NUCB2: variants seen among roughly 807,000 people sequenced by gnomAD.
The protein encoded by NUCB2 is nucleobindin 2, also known as nucleobindin-2.
A neutral mutation model predicts 57.9 loss-of-function variants in NUCB2; 48 were observed. That is an observed-to-expected ratio of 0.83 (90% confidence interval 0.66 to 1.05). The LOEUF (loss-of-function observed/expected upper bound fraction) is 1.05. NUCB2 is among the 50% of genes least tolerant of loss of function. The probability of loss-of-function intolerance (pLI) is 0.00; values close to 1 mark genes in which losing one functional copy is unlikely to be tolerated. For synonymous variants in NUCB2, 139 were observed against 152.1 expected (o/e 0.91, Z 0.64); for missense variants, 442 against 476.2 (o/e 0.93, Z 0.67).
At chr11:17,331,050 A>G in intron 13 of NUCB2, 67 bp downstream of exon 13, 1 of 998,366 alleles carries the variant, frequency 1.0e-6, no homozygotes, top group Non-Finnish European at 1.5e-6. Flanking sequence ...ATCCACATTT[A>G]TTACAAATAT....
intron 6 of NUCB2, among the ~76,000 whole-genome samples, chr11:17,310,410 G>T (rs975546510): frequency 6.6e-6 from 1 of 152,162 alleles, no homozygotes; most frequent in Non-Finnish European, 1.5e-5. Context: ...GCCAAGGAGG[G>T]TGGATCACCC....
In NUCB2 at chr11:17,279,217, C is replaced by T. The variant is rs559971659; in HGVS notation, c.-156+2389C>T. Among the ~76,000 whole-genome samples the T allele has an allele frequency of 1.7e-3, 259 of 152,188 alleles. 2 individuals carry two copies. The highest frequency in any genetic ancestry group is 5.6e-3 in the African/African-American group (232 of 41,542). On this transcript the variant is annotated intron_variant, in intron 1 of 13. Coordinates refer to ENST00000529010, the MANE Select transcript of NUCB2 (RefSeq NM_005013.4). ...CAAAAACAAAACAAAAAACAGGCTA[C>T]TAACAATTTCAAATAATTTATTCAA...
At chr11:17,287,542 G>A (rs967559607) in intron 2 of NUCB2, among the ~76,000 whole-genome samples, 3 of 151,632 alleles carry the variant, frequency 2.0e-5, no homozygotes, top group Admixed American at 1.3e-4. Flanking sequence ...GCATGGTGGC[G>A]CACACTTGTA....
chr11:17,331,118 C>A (rs748003345), intron 13 of NUCB2, 135 bp downstream of exon 13: 196 of 709,514 alleles, frequency 2.8e-4, no homozygotes, highest in Non-Finnish European at 4.2e-4. Flanking sequence ...GGTATTAGAG[C>A]AATTTAGATT....
At chr11:17,288,959 A>AT (rs532223454) in intron 2 of NUCB2, among the ~76,000 whole-genome samples, 3,322 of 66,854 alleles carry the variant, frequency 0.05, 765 homozygotes, top group East Asian at 0.31. Context: ...ACATATATAT[A>AT]TATATTTTTT....
intron 3 of NUCB2, 163 bp downstream of exon 3, chr11:17,295,630 G>T: frequency 1.6e-6 from 1 of 613,548 alleles, no homozygotes; most frequent in Non-Finnish European, 2.8e-6. Context: ...GTACACTTGG[G>T]AACTATTTCT....
intron 2 of NUCB2, among the ~76,000 whole-genome samples, chr11:17,293,743 A>G (rs539943789): frequency 6.6e-6 from 1 of 152,348 alleles, no homozygotes; most frequent in South Asian, 2.1e-4. Flanking sequence ...ACTTGTTACA[A>G]TGTTGTTGGA....
rs963918652 is a variant in NUCB2 at position 17,331,561 on chromosome 11, A to G, written c.*142A>G. 2.0e-6 allele frequency: 1 copy of G among 491,482 alleles called. No individual in the cohort carries two copies. The highest frequency in any genetic ancestry group is 3.4e-6 in the Non-Finnish European group (1 of 292,836). 30.4% of individuals were successfully genotyped at this position (491,482 alleles called of 1,614,324 possible). The stretch of plus-strand genomic sequence containing the variant: ...AGGGAGATACTTTTTAAATGAAAAC[A>G]CTTTTTTTGGGACACAGATATTAAA... On this transcript the variant is annotated 3_prime_UTR_variant, in exon 14 of 14. Coordinates refer to ENST00000529010, the MANE Select transcript of NUCB2 (RefSeq NM_005013.4).
intron 5 of NUCB2, among the ~76,000 whole-genome samples, chr11:17,309,179 G>T (rs1948119553): frequency 1.3e-5 from 2 of 151,972 alleles, no homozygotes; most frequent in African/African-American, 4.8e-5. Flanking sequence ...AAATTAGCCA[G>T]GCGTAGTGGT....
chr11:17,315,190 A>G (rs952609297), intron 10 of NUCB2, among the ~76,000 whole-genome samples, 196 bp from the exon 11 acceptor site: 1 of 152,192 alleles, frequency 6.6e-6, no homozygotes, highest in African/African-American at 2.4e-5. Context: ...ATAGAAGAGA[A>G]AGATGTTTAT....
intron 2 of NUCB2, among the ~76,000 whole-genome samples, chr11:17,341,257 G>A (rs1030537000): frequency 4.6e-5 from 7 of 151,996 alleles, no homozygotes; most frequent in Non-Finnish European, 1.0e-4. Context: ...CATGTCATCT[G>A]CAAACAGGGA....
intron 10 of NUCB2, among the ~76,000 whole-genome samples, chr11:17,313,335 G>A (rs1472659188): frequency 5.3e-5 from 8 of 151,894 alleles, no homozygotes; most frequent in Admixed American, 5.2e-4. Flanking sequence ...TTCGAGACCA[G>A]CCTGGCAAAC....
chr11:17,280,476 T>C (rs1404256122), intron 1 of NUCB2, among the ~76,000 whole-genome samples: 1 of 152,194 alleles, frequency 6.6e-6, no homozygotes, highest in East Asian at 1.9e-4. Context: ...TTGAAACTGG[T>C]GCCATGGAGA....
Position 17,331,003 on chromosome 11 carries a change from T to A in NUCB2, c.1255+20T>A. 1 of 1,466,058 alleles carries A rather than the reference T, an allele frequency of 6.8e-7. No individual in the cohort carries two copies. Among genetic ancestry groups the A allele is most frequent in the South Asian group, 1.2e-5 (1 of 82,682 alleles). 90.8% of individuals were successfully genotyped at this position (1,466,058 alleles called of 1,614,324 possible). On this transcript the variant is annotated intron_variant, in intron 13 of 13. Transcript: ENST00000529010. The stretch of plus-strand genomic sequence containing the variant: ...AGCCACGTGTGTAATTTTGTTTGAT[T>A]ATTTATTTAGGAAAATAAATTATTT...
At chr11:17,326,311 G>GTTTTTTTTT (rs60955119) in intron 11 of NUCB2, among the ~76,000 whole-genome samples, 1 of 71,274 alleles carries the variant, frequency 1.4e-5, no homozygotes, top group African/African-American at 4.7e-5. Flanking sequence ...CATTGTTACC[G>GTTTTTTTTT]TTTTTTTTTT....
chr11:17,280,051 C>T (rs1304788402), intron 1 of NUCB2, among the ~76,000 whole-genome samples: 1 of 152,090 alleles, frequency 6.6e-6, no homozygotes, highest in East Asian at 1.9e-4. Flanking sequence ...TCTTGGCCTC[C>T]CAAAGTGCTG....
At chr11:17,286,477 C>G (rs549829779) in intron 2 of NUCB2, among the ~76,000 whole-genome samples, 2 of 152,200 alleles carry the variant, frequency 1.3e-5, no homozygotes, top group Non-Finnish European at 2.9e-5. Flanking sequence ...ACCAGAGGCT[C>G]TGATGCCTTT....
At chr11:17,292,599 A>G (rs1945123010) in intron 2 of NUCB2, among the ~76,000 whole-genome samples, 1 of 152,194 alleles carries the variant, frequency 6.6e-6, no homozygotes, top group Admixed American at 6.5e-5. Flanking sequence ...CTGCTGGCCC[A>G]GGGACCATAC....
intron 10 of NUCB2, among the ~76,000 whole-genome samples, chr11:17,312,409 T>TC (rs1246812616): frequency 6.6e-6 from 1 of 151,214 alleles, no homozygotes; most frequent in Non-Finnish European, 1.5e-5. Flanking sequence ...CCTAATATTT[T>TC]TTTTTTTTTT....
Sources: gnomAD v4.1 joint callset for allele counts (sites outside exome capture counted in the v4.1 genomes callset) on GRCh38, gnomAD v4.1.1 for gene constraint, MANE v1.5 for transcripts, NCBI Gene and HGNC (gene_info 2026-07-23, HGNC 2026-07-21) for gene names.